Variants in CDK15 observed in about 807,000 individuals in gnomAD.
CDK15 encodes the protein cyclin-dependent kinase 15.
Under a neutral mutation model 60.3 loss-of-function variants are expected in CDK15, and 62 were observed. The ratio of observed to expected loss-of-function variants is 1.03; its 90% confidence interval spans 0.84 to 1.27. CDK15 has a LOEUF of 1.27. CDK15 is among the 50% of genes most tolerant of loss of function. The pLI is 0.00. For synonymous variants in CDK15, 194 were observed against 195.7 expected, an observed-to-expected ratio of 0.99 and a Z score of 0.07; for missense variants, 541 against 527.8, an observed-to-expected ratio of 1.03 and a Z score of -0.25.
Position 201,822,933 on chromosome 2 carries a change from G to C in CDK15, c.543+30G>C, listed in dbSNP as rs1259510017. The C allele has an allele frequency of 3.1e-6, 4 of 1,280,576 alleles. No individual in the cohort carries two copies. The African/African-American group carries it at 4.4e-5, about 14-fold the overall frequency. 79.3% of individuals were successfully genotyped at this position (1,280,576 alleles called of 1,614,324 possible). The stretch of plus-strand genomic sequence containing the variant: ...GTTGTTCGAGCATTTTACAACACTT[G>C]AGAAAAATAACCTGGTACTTGTATA... On this transcript the variant is annotated intron_variant, in intron 5 of 13. Coordinates refer to ENST00000652192, the MANE Select transcript of CDK15 (RefSeq NM_001366386.2).
intron 10 of CDK15, among the ~76,000 whole-genome samples, chr2:201,863,066 T>A (rs1698460630): frequency 6.6e-6 from 1 of 152,192 alleles, no homozygotes; most frequent in African/African-American, 2.4e-5. Context: ...CTCATTACTG[T>A]CTCACTTCTG....
intron 4 of CDK15, among the ~76,000 whole-genome samples, chr2:201,816,132 A>G (rs561356384): frequency 3.9e-5 from 6 of 152,272 alleles, no homozygotes; most frequent in African/African-American, 1.2e-4. Flanking sequence ...TATTTTTTTA[A>G]TCTTTAATTT....
intron 3 of CDK15, among the ~76,000 whole-genome samples, chr2:201,809,206 CTGGAACATACT>C (rs754839510): frequency 6.6e-6 from 1 of 152,202 alleles, no homozygotes; most frequent in Non-Finnish European, 1.5e-5. Context: ...CGGGGGCACC[CTGGAACATACT>C]TGGATACATG....
chr2:201,814,948 CAT>C lies in CDK15; in HGVS notation c.448+2387_448+2388del, dbSNP rs1491450983. On this transcript the variant is annotated intron_variant, in intron 4 of 13. Transcript: ENST00000652192. ...CAAAAGTATGAACAGCACTAAGGAA[CAT>C]TTTTTTTTTTTTTTTTTTGAGACGA... Among the ~76,000 whole-genome samples, 14 of 91,204 alleles carry C rather than the reference CAT, an allele frequency of 1.5e-4. No homozygotes were observed. The East Asian group carries it at 2.6e-3, about 17-fold the overall frequency. 59.8% of individuals were successfully genotyped at this position (91,204 alleles called of 152,430 possible).
intron 6 of CDK15, among the ~76,000 whole-genome samples, chr2:201,826,175 G>C (rs1696479660): frequency 6.6e-6 from 1 of 152,302 alleles, no homozygotes; most frequent in South Asian, 2.1e-4. Flanking sequence ...AGAAGTTTCA[G>C]ATCGGCCGGG....
chr2:201,842,508 A>C (rs1170052055), intron 8 of CDK15, among the ~76,000 whole-genome samples: 1 of 152,228 alleles, frequency 6.6e-6, no homozygotes, highest in Non-Finnish European at 1.5e-5. Context: ...TGTCACTGCC[A>C]TATATTACGT....
intron 9 of CDK15, among the ~76,000 whole-genome samples, chr2:201,851,012 C>T (rs1335387405): frequency 6.6e-6 from 1 of 152,062 alleles, no homozygotes; most frequent in African/African-American, 2.4e-5. Context: ...CAGAAATTGG[C>T]CGGGCGCAGT....
rs967943330 is a variant in CDK15 at position 201,860,786 on chromosome 2, A to G, written c.1009+5849A>G. ...GGATGGCATACTGACATCGGACAGCATCGTACTGCAGCAATGCAGCCTTGT... is the reference window on the plus strand; with the variant it reads ...GGATGGCATACTGACATCGGACAGCGTCGTACTGCAGCAATGCAGCCTTGT... On this transcript the variant is annotated intron_variant, in intron 10 of 13. Coordinates refer to ENST00000652192, the MANE Select transcript of CDK15 (RefSeq NM_001366386.2). 5.2e-6 allele frequency: 7 copies of G among 1,352,088 alleles called. No individual in the cohort carries two copies. The African/African-American group carries it at 7.4e-5, about 14-fold the overall frequency. The allele number at this position is 1,352,088 out of a possible 1,614,324, so 83.8% of individuals were successfully genotyped here. A position where few individuals can be genotyped will look rare whatever the true frequency, so the allele number is the denominator to read the frequency against.
intron 3 of CDK15, among the ~76,000 whole-genome samples, chr2:201,808,380 G>A (rs1427696787): frequency 2.0e-5 from 3 of 152,126 alleles, no homozygotes; most frequent in African/African-American, 7.2e-5. Flanking sequence ...CCTCCACCTG[G>A]CCTTTATAGA....
chr2:201,848,080 C>T (rs936813092), intron 9 of CDK15, among the ~76,000 whole-genome samples: 10 of 152,060 alleles, frequency 6.6e-5, no homozygotes, highest in Non-Finnish European at 1.2e-4. Flanking sequence ...TTAGCTGTGA[C>T]CACGCCACTG....
chr2:201,857,438 C>T (rs998727669), intron 10 of CDK15, among the ~76,000 whole-genome samples: 16 of 151,938 alleles, frequency 1.1e-4, no homozygotes, highest in African/African-American at 3.9e-4. Flanking sequence ...TTTTCAGGTA[C>T]CTACTATCTG....
intron 13 of CDK15, among the ~76,000 whole-genome samples, chr2:201,892,502 G>A (rs533636208): frequency 6.6e-6 from 1 of 152,256 alleles, no homozygotes; most frequent in African/African-American, 2.4e-5. Flanking sequence ...ACATAAATTG[G>A]TCACAATAGA....
intron 11 of CDK15, among the ~76,000 whole-genome samples, chr2:201,875,249 A>G (rs535802258): frequency 2.0e-5 from 3 of 152,184 alleles, no homozygotes; most frequent in Non-Finnish European, 4.4e-5. Flanking sequence ...TTTATAAGCA[A>G]TGGGGCCTGT....
At chr2:201,889,805 T>C (rs13005329) in intron 12 of CDK15, among the ~76,000 whole-genome samples, 62,653 of 151,798 alleles carry the variant, frequency 0.41, 13,148 homozygotes, top group East Asian at 0.5. Flanking sequence ...ATCCCAGCAC[T>C]TTGGGAGGCT....
Position 201,871,247 on chromosome 2 carries a change from C to T in CDK15, c.1010-1031C>T, listed in dbSNP as rs150887814. Among the ~76,000 whole-genome samples, 721 of 152,158 alleles carry T rather than the reference C, an allele frequency of 4.7e-3. 18 individuals carry two copies. The highest frequency in any genetic ancestry group is 0.032 in the Admixed American group (486 of 15,272). On this transcript the variant is annotated intron_variant, in intron 10 of 13. Transcript: ENST00000652192. ...CAATCACGGCTCACTGCAGCCTCAA[C>T]CTCCTAGGCTCAGGTGATCCTCCCA... is the stretch of plus-strand genomic sequence containing the variant.
intron 10 of CDK15, among the ~76,000 whole-genome samples, chr2:201,868,320 C>G (rs1255824193): frequency 6.6e-6 from 1 of 152,164 alleles, no homozygotes; most frequent in African/African-American, 2.4e-5. Flanking sequence ...CCCTCTTCTG[C>G]AGGTGGGAAA....
intron 9 of CDK15, among the ~76,000 whole-genome samples, chr2:201,849,725 G>A (rs1697822904): frequency 6.6e-6 from 1 of 152,168 alleles, no homozygotes; most frequent in Admixed American, 6.5e-5. Context: ...GAAATAAGAT[G>A]TGCTATTAGG....
chr2:201,819,440 A>G (rs1696128656), intron 4 of CDK15, among the ~76,000 whole-genome samples: 2 of 152,212 alleles, frequency 1.3e-5, no homozygotes, highest in South Asian at 4.1e-4. Context: ...GGCACAGCCA[A>G]CAGTAGGGTG....
chr2:201,842,059 T>A (rs1201144728), intron 8 of CDK15, among the ~76,000 whole-genome samples: 1 of 152,198 alleles, frequency 6.6e-6, no homozygotes, highest in Non-Finnish European at 1.5e-5. Flanking sequence ...ACATTCACAT[T>A]GTTGTGTAAC....
Sources: gnomAD v4.1 joint callset for allele counts (sites outside exome capture counted in the v4.1 genomes callset) on GRCh38, gnomAD v4.1.1 for gene constraint, MANE v1.5 for transcripts, NCBI Gene and HGNC (gene_info 2026-07-23, HGNC 2026-07-21) for gene names.